Variants in HGD observed in about 807,000 individuals in gnomAD.
HGD encodes homogentisate 1,2-dioxygenase, also known as homogentisate oxidase.
HGD carries 61 observed loss-of-function variants against 60.8 expected under a neutral mutation model. That is an observed-to-expected ratio of 1.00 (90% CI 0.82 to 1.24). HGD has a LOEUF of 1.24. Among genes scored for constraint, HGD ranks in the 50% most tolerant of loss-of-function variants. The probability of loss-of-function intolerance (pLI) is 0.00; values close to 1 mark genes in which losing one functional copy is unlikely to be tolerated. For missense variants in HGD, 542 were observed against 547.1 expected, an observed-to-expected ratio of 0.99 and a Z score of 0.09; for synonymous variants, 212 against 187.7, an observed-to-expected ratio of 1.13 and a Z score of -1.06.
intron 4 of HGD, among the ~76,000 whole-genome samples, chr3:120,658,024 G>C (rs1394104182): frequency 6.6e-6 from 1 of 152,092 alleles, no homozygotes; most frequent in Admixed American, 6.5e-5. Context: ...CAACATTAGG[G>C]ATTATAATTT....
rs1940483688 is a variant in HGD, at chr3:120,628,369, A to G, written c.*11T>C. Reference sequence around the variant, plus strand: ...AAATCTACTCTTAATTATGGTAGCAATGTTCCAGTCTCAATTAGGTTCTGC... The same window carrying G: ...AAATCTACTCTTAATTATGGTAGCAGTGTTCCAGTCTCAATTAGGTTCTGC... On this transcript the variant is annotated 3_prime_UTR_variant, in exon 14 of 14. Transcript: ENST00000283871. 6.2e-7 allele frequency: 1 copy of G among 1,613,282 alleles called. No homozygotes were observed. The highest frequency in any genetic ancestry group is 1.3e-5 in the African/African-American group (1 of 74,996).
chr3:120,665,388 A>C (rs1412564046), intron 4 of HGD, among the ~76,000 whole-genome samples: 1 of 152,236 alleles, frequency 6.6e-6, no homozygotes, highest in Non-Finnish European at 1.5e-5. Flanking sequence ...AATAAGAAAA[A>C]TAAATTTTAA....
At chr3:120,669,443 ATG>A (rs1229539730) in intron 4 of HGD, among the ~76,000 whole-genome samples, 4 of 128,060 alleles carry the variant, frequency 3.1e-5, no homozygotes, top group Non-Finnish European at 6.5e-5. Flanking sequence ...TTATGTGCGC[ATG>A]TGCACACACA....
chr3:120,634,830 G>A (rs1485504342), intron 12 of HGD, among the ~76,000 whole-genome samples: 1 of 152,168 alleles, frequency 6.6e-6, no homozygotes, highest in Non-Finnish European at 1.5e-5. Flanking sequence ...GCTACTGCAG[G>A]CCCCTACAAA....
chr3:120,649,299 C>A (rs191764790), intron 6 of HGD, among the ~76,000 whole-genome samples: 15 of 151,800 alleles, frequency 9.9e-5, no homozygotes, highest in Non-Finnish European at 2.2e-4. Context: ...CCCACCACCA[C>A]GCCCGGCTAA....
At position 120,682,088 on chromosome 3, in the gene HGD, GT is replaced by G. The variant is rs771784891; in HGVS notation, c.15+8del. The stretch of plus-strand genomic sequence containing the variant: ...GAAGCCATAGCAAACTTGTCAGATG[GT>G]TTCTTACCTTTAACTCAGCCATTTT... On this transcript the variant is annotated splice_region_variant and intron_variant, in intron 1 of 13. Transcript: ENST00000283871. 6.2e-6 allele frequency: 10 copies of G among 1,613,710 alleles called. No individual in the cohort carries two copies. In the East Asian group the frequency reaches 2.0e-4, roughly 32 times the overall value.
At chr3:120,637,569 C>T (rs372884803) in intron 12 of HGD, among the ~76,000 whole-genome samples, 15 of 152,088 alleles carry the variant, frequency 9.9e-5, no homozygotes, top group African/African-American at 3.4e-4. Context: ...CTGCTTTGCC[C>T]TGCCAAAATA....
At chr3:120,638,266 C>A (rs1203487525) in intron 12 of HGD, among the ~76,000 whole-genome samples, 189 bp downstream of exon 12, 4 of 152,160 alleles carry the variant, frequency 2.6e-5, no homozygotes, top group Non-Finnish European at 5.9e-5. Flanking sequence ...GAAGAATGGA[C>A]TAACACAACT....
chr3:120,660,643 G>A (rs1237581373), intron 4 of HGD, among the ~76,000 whole-genome samples: 1 of 152,138 alleles, frequency 6.6e-6, no homozygotes, highest in Non-Finnish European at 1.5e-5. Context: ...TGGCCAACAT[G>A]GTGAAACCAT....
Position 120,633,315 on chromosome 3 carries a change from AC to A in HGD, c.1019del (p.Ser340MetfsTer29), listed in dbSNP as rs762999434. The A allele has an allele frequency of 2.0e-5, 32 of 1,614,002 alleles. No homozygotes were observed. The highest frequency in any genetic ancestry group is 2.6e-5 in the Non-Finnish European group (31 of 1,180,014). ...RPPYYHRNCM[S>X]EFMGLIRGHY... The stretch of plus-strand genomic sequence containing the variant: ...GACCTCGGATGAGTCCCATGAACTC[AC>A]TCATGCAGTTCCCTGGGAAGGTTGA... On this transcript the variant is annotated frameshift_variant, in exon 13 of 14. Transcript: ENST00000283871. LOFTEE classifies it high-confidence loss of function.
At chr3:120,656,988 CT>C (rs1941518456) in intron 4 of HGD, among the ~76,000 whole-genome samples, 1 of 152,164 alleles carries the variant, frequency 6.6e-6, no homozygotes, top group African/African-American at 2.4e-5. Flanking sequence ...TTTTAAAAAA[CT>C]TTTTTTCCAA....
chr3:120,682,159 G>A lies in HGD; in HGVS notation c.-48C>T, dbSNP rs1708241590. The stretch of plus-strand genomic sequence containing the variant: ...TGACTTCAGGAAACCCAGGCCCAGA[G>A]GATATAAAGCCACAATGCTTCTTTC... On this transcript the variant is annotated 5_prime_UTR_variant, in exon 1 of 14. Transcript: ENST00000283871. The A allele has an allele frequency of 1.9e-6, 3 of 1,594,112 alleles. No homozygotes were observed. The highest frequency in any genetic ancestry group is 2.6e-6 in the Non-Finnish European group (3 of 1,162,078).
At chr3:120,661,238 T>A (rs1175786240) in intron 4 of HGD, among the ~76,000 whole-genome samples, 1 of 152,200 alleles carries the variant, frequency 6.6e-6, no homozygotes, top group Non-Finnish European at 1.5e-5. Flanking sequence ...TCCCTCCTTT[T>A]AATGGTCTTG....
intron 13 of HGD, among the ~76,000 whole-genome samples, chr3:120,629,286 A>C (rs946720632): frequency 6.6e-6 from 1 of 152,206 alleles, no homozygotes; most frequent in Non-Finnish European, 1.5e-5. Flanking sequence ...AACAAAACCC[A>C]AAAACCAAAC....
chr3:120,641,762 G>A, intron 10 of HGD, 69 bp from the exon 11 acceptor site: 1 of 956,548 alleles, frequency 1.0e-6, no homozygotes, highest in South Asian at 1.3e-5. Flanking sequence ...CCCACAATAT[G>A]TACTGAGTAT....
intron 6 of HGD, among the ~76,000 whole-genome samples, chr3:120,649,304 G>A (rs546107886): frequency 2.4e-4 from 37 of 151,556 alleles, no homozygotes; most frequent in South Asian, 6.3e-4. Flanking sequence ...CACCACGCCC[G>A]GCTAATTTTT....
intron 6 of HGD, 131 bp downstream of exon 6, chr3:120,650,640 TGAG>T (rs1941308580): frequency 1.3e-6 from 1 of 749,772 alleles, no homozygotes; most frequent in African/African-American, 1.7e-5. Flanking sequence ...AATATTGCCT[TGAG>T]GAGAAAACCA....
chr3:120,652,209 A>G (rs1408786210), intron 5 of HGD, among the ~76,000 whole-genome samples: 3 of 152,082 alleles, frequency 2.0e-5, no homozygotes, highest in Non-Finnish European at 4.4e-5. Flanking sequence ...ATATTTCAAT[A>G]TCATTAGCTT....
At position 120,633,237 on chromosome 3, in the gene HGD, G is replaced by A. The variant is rs1233041562; in HGVS notation, c.1098C>T (p.Ser366=). 1.2e-6 allele frequency: 2 copies of A among 1,614,114 alleles called. No homozygotes were observed. Among genetic ancestry groups the A allele is most frequent in the East Asian group, 2.2e-5 (1 of 44,874 alleles). ...GFLPGGGSLH[S]TMTPHGPDAD... is the part of the protein sequence containing the mutation. ...CATCAGGTCCATGGGGGGTCATTGT[G>A]CTGTGTAGACTCCCTCCCCCTGGCA... Residue 366 remains serine (S), a synonymous_variant, in exon 13 of 14, where the codon AGC becomes AGT. Transcript: ENST00000283871.
Sources: allele counts gnomAD v4.1 joint callset (sites outside exome capture counted in the v4.1 genomes callset), GRCh38; gene constraint gnomAD v4.1.1; transcripts MANE v1.5; gene names NCBI Gene and HGNC (gene_info 2026-07-23, HGNC 2026-07-21).